The following KPNA3 variants were observed in gnomAD, a reference collection of about 807,000 sequenced individuals.
KPNA3 encodes the protein importin subunit alpha-4.
KPNA3 carries 13 observed loss-of-function variants against 73.8 expected under a neutral mutation model. That is an observed-to-expected ratio of 0.18 (90% CI 0.11 to 0.28). The LOEUF (loss-of-function observed/expected upper bound fraction) is 0.28. Ranked by LOEUF, KPNA3 falls within the 10% of genes least tolerant of loss-of-function variation. The probability of loss-of-function intolerance (pLI) is 1.00; values close to 1 mark genes in which losing one functional copy is unlikely to be tolerated. For missense variants in KPNA3, 360 were observed against 618.1 expected (o/e 0.58, Z 4.43); for synonymous variants, 186 against 206.9 (o/e 0.90, Z 0.87).
chr13:49,761,389 C>T (rs550089724), intron 1 of KPNA3, among the ~76,000 whole-genome samples: 10 of 152,344 alleles, frequency 6.6e-5, no homozygotes, highest in African/African-American at 2.4e-4. Flanking sequence ...CAGGCGCACA[C>T]CGCCACGCCT....
chr13:49,761,432 G>C (rs1456944773), intron 1 of KPNA3, among the ~76,000 whole-genome samples: 4 of 152,384 alleles, frequency 2.6e-5, no homozygotes, highest in African/African-American at 9.6e-5. Flanking sequence ...GTGGAGACGG[G>C]GTTTCGCTGT....
chr13:49,769,125 T>A (rs1954833070), intron 1 of KPNA3, among the ~76,000 whole-genome samples: 1 of 151,684 alleles, frequency 6.6e-6, no homozygotes, highest in African/African-American at 2.4e-5. Context: ...CCAGATATTA[T>A]CATTGTTATC....
chr13:49,763,134 A>G (rs1309495947), intron 1 of KPNA3, among the ~76,000 whole-genome samples: 1 of 152,180 alleles, frequency 6.6e-6, no homozygotes, highest in Non-Finnish European at 1.5e-5. Flanking sequence ...TATTTCAGGA[A>G]CAGAAAAATG....
intron 2 of KPNA3, among the ~76,000 whole-genome samples, chr13:49,735,429 T>G (rs960990006): frequency 2.0e-5 from 3 of 152,138 alleles, no homozygotes; most frequent in African/African-American, 7.2e-5. Flanking sequence ...CCCCATACTT[T>G]ACTCTTAACA....
At chr13:49,783,489 C>G (rs183024097) in intron 1 of KPNA3, among the ~76,000 whole-genome samples, 10 of 152,258 alleles carry the variant, frequency 6.6e-5, no homozygotes, top group Non-Finnish European at 1.5e-5. Flanking sequence ...ATACTAAAAT[C>G]TGCAGATGCT....
chr13:49,761,309 C>T (rs1294015476), intron 1 of KPNA3, among the ~76,000 whole-genome samples: 1 of 152,166 alleles, frequency 6.6e-6, no homozygotes, highest in Non-Finnish European at 1.5e-5. Flanking sequence ...GACTGTACTG[C>T]TGCCATCTCG....
chr13:49,721,717 G>A (rs1954360490), intron 9 of KPNA3, among the ~76,000 whole-genome samples: 1 of 152,152 alleles, frequency 6.6e-6, no homozygotes, highest in South Asian at 2.1e-4. Flanking sequence ...CTACTCAGGA[G>A]GCTGAGGCAG....
In KPNA3 at chr13:49,706,313, T is replaced by C; in HGVS notation, c.1092A>G (p.Val364=). ...TAGNQQQVQA[V]IDAGLIPMII... ...TCATAGGAATTAATCCAGCATCTAT[T>C]ACAGCTTGAACTTGTTGCTGGTTGC... Residue 364 remains valine, a synonymous_variant, in exon 13 of 17, where the codon GTA becomes GTG. Transcript: ENST00000261667. 1 of 1,614,156 alleles carries C rather than the reference T, an allele frequency of 6.2e-7. No individual in the cohort carries two copies. Among genetic ancestry groups the C allele is most frequent in the Non-Finnish European group, 8.5e-7 (1 of 1,180,004 alleles).
intron 1 of KPNA3, among the ~76,000 whole-genome samples, chr13:49,769,472 A>C (rs1954835902): frequency 1.3e-5 from 2 of 152,154 alleles, no homozygotes; most frequent in Non-Finnish European, 2.9e-5. Flanking sequence ...GGCAATCACT[A>C]ATCTACTTTC....
At chr13:49,704,434 A>AAAATAAAT (rs58331212) in intron 15 of KPNA3, among the ~76,000 whole-genome samples, 1 of 130,960 alleles carries the variant, frequency 7.6e-6, no homozygotes, top group Non-Finnish European at 1.6e-5. Flanking sequence ...AAATAAATAA[A>AAAATAAAT]AAATAAATAA....
chr13:49,733,458 T>C (rs1053594990), intron 2 of KPNA3, among the ~76,000 whole-genome samples: 1 of 151,992 alleles, frequency 6.6e-6, no homozygotes. Context: ...CTGGCTAATT[T>C]TTATATTTTT....
At chr13:49,739,072 T>C (rs1473361352) in intron 2 of KPNA3, among the ~76,000 whole-genome samples, 2 of 152,250 alleles carry the variant, frequency 1.3e-5, no homozygotes, top group African/African-American at 4.8e-5. Flanking sequence ...CTTATTAATA[T>C]GGGGGAATTT....
At chr13:49,734,940 G>T (rs905864182) in intron 2 of KPNA3, among the ~76,000 whole-genome samples, 84 of 97,738 alleles carry the variant, frequency 8.6e-4, no homozygotes, top group African/African-American at 1.5e-3. Flanking sequence ...TATATATATA[G>T]AGAGAGAGAT....
chr13:49,786,489 A>G (rs1253931074), intron 1 of KPNA3, among the ~76,000 whole-genome samples: 1 of 152,176 alleles, frequency 6.6e-6, no homozygotes, highest in Non-Finnish European at 1.5e-5. Context: ...GAGAACTTTT[A>G]AAGTTTTTTT....
In KPNA3 at chr13:49,706,318, C is replaced by T. The variant is rs2137531764; in HGVS notation, c.1087G>A (p.Ala363Thr). Residue 363 changes from alanine to threonine, a missense_variant, in exon 13 of 17, where the codon GCT (alanine) becomes ACT (threonine). By Grantham distance (58) the Ala-to-Thr change is moderately conservative. Transcript: ENST00000261667. ...GGAATTAATCCAGCATCTATTACAG[C>T]TTGAACTTGTTGCTGGTTGCCTGCT... ...ITAGNQQQVQ[A>T]VIDAGLIPMI... 2 of 1,614,138 alleles carry T rather than the reference C, an allele frequency of 1.2e-6. No individual in the cohort carries two copies. Among genetic ancestry groups the T allele is most frequent in the Middle Eastern group, 3.3e-4 (2 of 6,062 alleles).
chr13:49,718,695 A>G (rs913113844), intron 10 of KPNA3, among the ~76,000 whole-genome samples: 2 of 152,170 alleles, frequency 1.3e-5, no homozygotes, highest in African/African-American at 2.4e-5. Flanking sequence ...TGGAAATAAG[A>G]CGGCATATAA....
At chr13:49,772,257 T>C (rs957474) in intron 1 of KPNA3, among the ~76,000 whole-genome samples, 31,305 of 152,142 alleles carry the variant, frequency 0.21, 3,590 homozygotes, top group Middle Eastern at 0.27. Context: ...TTCCTGATCT[T>C]AGGGGGAAAG....
intron 2 of KPNA3, among the ~76,000 whole-genome samples, chr13:49,738,116 A>T (rs1954541395): frequency 6.6e-6 from 1 of 152,162 alleles, no homozygotes; most frequent in Admixed American, 6.5e-5. Flanking sequence ...ATTTTTGAAA[A>T]AGCTGTCCTT....
At chr13:49,766,156 C>T (rs1029065771) in intron 1 of KPNA3, among the ~76,000 whole-genome samples, 3 of 152,182 alleles carry the variant, frequency 2.0e-5, no homozygotes, top group Admixed American at 6.5e-5. Context: ...GCTCGTGTCA[C>T]GAAGCAGGCA....
Sources: gnomAD v4.1 joint callset for allele counts (sites outside exome capture counted in the v4.1 genomes callset) on GRCh38, gnomAD v4.1.1 for gene constraint, MANE v1.5 for transcripts, NCBI Gene and HGNC (gene_info 2026-07-23, HGNC 2026-07-21) for gene names.